The following LIMS4 variants were observed in gnomAD, a reference collection of about 807,000 sequenced individuals.
The protein encoded by LIMS4 is LIM and senescent cell antigen-like-containing domain protein 4.
the LIMS4 span, among the ~76,000 whole-genome samples, chr2:110,395,845 G>A: frequency 8.0e-6 from 1 of 124,852 alleles, no homozygotes; most frequent in Non-Finnish European, 1.6e-5. Flanking sequence ...CCCAGGGCCT[G>A]CACCCTCCCA....
chr2:110,425,274 T>C, the LIMS4 span, among the ~76,000 whole-genome samples: 1 of 142,608 alleles, frequency 7.0e-6, no homozygotes, highest in East Asian at 2.0e-4. Flanking sequence ...AGTGGGCTAG[T>C]CTAGGCAGAG....
chr2:110,360,596 G>A, the LIMS4 span: 5 of 995,894 alleles, frequency 5.0e-6, no homozygotes, highest in South Asian at 1.6e-5. Context: ...TCCTCATGGA[G>A]CGTCTGTGGC....
chr2:110,366,491 TC>T, the LIMS4 span, among the ~76,000 whole-genome samples: 1 of 151,226 alleles, frequency 6.6e-6, no homozygotes, highest in Non-Finnish European at 1.5e-5. Flanking sequence ...AAATTCAACA[TC>T]CCTTTATGTT....
chr2:110,373,734 A>G, the LIMS4 span, among the ~76,000 whole-genome samples: 1 of 149,878 alleles, frequency 6.7e-6, no homozygotes, highest in South Asian at 2.1e-4. Flanking sequence ...AAGGCAGCCA[A>G]TCTCTGCCCG....
chr2:110,361,208 T>C, the LIMS4 span: 1 of 833,110 alleles, frequency 1.2e-6, no homozygotes, highest in Non-Finnish European at 2.1e-6. Flanking sequence ...CATCAACTGT[T>C]TGGTAAAGGT....
the LIMS4 span, among the ~76,000 whole-genome samples, chr2:110,366,794 A>G: frequency 1.3e-5 from 2 of 151,658 alleles, no homozygotes; most frequent in African/African-American, 2.4e-5. Context: ...AGAAAACCCC[A>G]TAGTCTCTGC....
At chr2:110,424,830 C>T in the LIMS4 span, among the ~76,000 whole-genome samples, 16 of 142,872 alleles carry the variant, frequency 1.1e-4, no homozygotes, top group South Asian at 2.8e-3. Context: ...AATTGTAAAA[C>T]GCACCAATCA....
the LIMS4 span, among the ~76,000 whole-genome samples, chr2:110,390,804 G>C: frequency 1.3e-5 from 2 of 152,186 alleles, no homozygotes; most frequent in African/African-American, 4.8e-5. Flanking sequence ...CAGTGAAAAA[G>C]ACAGATATGG....
the LIMS4 span, chr2:110,387,771 G>C: frequency 2.4e-5 from 4 of 163,370 alleles, no homozygotes; most frequent in Non-Finnish European, 5.3e-5. Context: ...TGGAATTACA[G>C]ATGTGAGCCA....
At chr2:110,395,708 C>G in the LIMS4 span, among the ~76,000 whole-genome samples, 4 of 70,190 alleles carry the variant, frequency 5.7e-5, no homozygotes, top group Non-Finnish European at 1.1e-4. Flanking sequence ...ACAGCGCGGT[C>G]CATGCTGTCA....
the LIMS4 span, among the ~76,000 whole-genome samples, chr2:110,392,531 TAGG>T: frequency 6.6e-6 from 1 of 152,016 alleles, no homozygotes; most frequent in African/African-American, 2.4e-5. Flanking sequence ...ATCTAGGTGC[TAGG>T]AGGAGTAGGT....
chr2:110,365,968 A>T, the LIMS4 span, among the ~76,000 whole-genome samples: 1 of 151,112 alleles, frequency 6.6e-6, no homozygotes, highest in Non-Finnish European at 1.5e-5. Context: ...CCAAAATTGA[A>T]CCAGGAAGAA....
the LIMS4 span, among the ~76,000 whole-genome samples, chr2:110,368,765 G>A: frequency 1.5e-5 from 2 of 131,142 alleles, no homozygotes; most frequent in Non-Finnish European, 3.1e-5. Context: ...TTTTTCTCTA[G>A]CTGTAAATAT....
At chr2:110,425,220 G>C in the LIMS4 span, among the ~76,000 whole-genome samples, 2 of 142,602 alleles carry the variant, frequency 1.4e-5, no homozygotes, top group Non-Finnish European at 3.0e-5. Flanking sequence ...ATCCAGACCA[G>C]ATCTCTTTAA....
At chr2:110,382,044 C>T in the LIMS4 span, among the ~76,000 whole-genome samples, 2 of 46,252 alleles carry the variant, frequency 4.3e-5, no homozygotes, top group African/African-American at 1.0e-4. Context: ...TCCAGCCTGG[C>T]AACAGAGTAA....
At chr2:110,365,642 C>G in the LIMS4 span, among the ~76,000 whole-genome samples, 1 of 129,052 alleles carries the variant, frequency 7.7e-6, no homozygotes, top group Non-Finnish European at 1.6e-5. Flanking sequence ...CAAGATCAAA[C>G]CAACCCTAAA....
chr2:110,387,763 G>C, the LIMS4 span: 1 of 165,144 alleles, frequency 6.1e-6, no homozygotes, highest in Non-Finnish European at 1.3e-5. Flanking sequence ...CAAAGTGCTG[G>C]AATTACAGAT....
chr2:110,389,865 G>T, the LIMS4 span, among the ~76,000 whole-genome samples: 12 of 147,386 alleles, frequency 8.1e-5, 1 homozygote, highest in Non-Finnish European at 1.5e-4. Flanking sequence ...ACCATGACCA[G>T]GGCCCATAGC....
At chr2:110,395,849 C>T in the LIMS4 span, among the ~76,000 whole-genome samples, 1 of 125,350 alleles carries the variant, frequency 8.0e-6, no homozygotes, top group East Asian at 2.3e-4. Flanking sequence ...GGGCCTGCAC[C>T]CTCCCACCGA....
Sources: allele counts gnomAD v4.1 joint callset (sites outside exome capture counted in the v4.1 genomes callset), GRCh38; gene constraint gnomAD v4.1.1; transcripts MANE v1.5; gene names NCBI Gene and HGNC (gene_info 2026-07-23, HGNC 2026-07-21).